Variants in TEAD1 observed in about 807,000 individuals in gnomAD.
The protein encoded by TEAD1 is transcriptional enhancer factor TEF-1.
Under a neutral mutation model 54.9 loss-of-function variants are expected in TEAD1, and 9 were observed. That is an observed-to-expected ratio of 0.16 (90% CI 0.10 to 0.29). The LOEUF (loss-of-function observed/expected upper bound fraction) is 0.29, where lower values mean the gene tolerates loss of function less well. Ranked by LOEUF, TEAD1 falls within the 10% of genes least tolerant of loss-of-function variation. The pLI is 1.00. For missense variants in TEAD1, 387 were observed against 535.9 expected, an observed-to-expected ratio of 0.72 and a Z score of 2.74; for synonymous variants, 200 against 187.8, an observed-to-expected ratio of 1.07 and a Z score of -0.53.
At chr11:12,865,173 T>C in intron 5 of TEAD1, 1 of 492,450 alleles carries the variant, frequency 2.0e-6, no homozygotes. Context: ...AGAGCTGGTC[T>C]TGATAACTTT....
intron 9 of TEAD1, among the ~76,000 whole-genome samples, chr11:12,896,994 T>C (rs998190247): frequency 2.6e-5 from 4 of 152,184 alleles, no homozygotes; most frequent in East Asian, 1.9e-4. Context: ...ACTGAGTGCC[T>C]AGGGGACTCT....
At chr11:12,749,671 T>G (rs755655176) in intron 2 of TEAD1, among the ~76,000 whole-genome samples, 6 of 152,210 alleles carry the variant, frequency 3.9e-5, no homozygotes, top group Non-Finnish European at 8.8e-5. Context: ...TCCGTACCTC[T>G]CTTGGACTGG....
At chr11:12,929,233 T>C (rs984279375) in intron 11 of TEAD1, among the ~76,000 whole-genome samples, 4 of 150,660 alleles carry the variant, frequency 2.7e-5, no homozygotes, top group South Asian at 4.2e-4. Context: ...TAATCTCTTA[T>C]GTATCTTCTA....
intron 2 of TEAD1, among the ~76,000 whole-genome samples, chr11:12,676,801 C>G (rs772068776): frequency 5.3e-5 from 8 of 152,120 alleles, no homozygotes; most frequent in Non-Finnish European, 1.0e-4. Context: ...GTTGAACTCT[C>G]AGGTTTCAGG....
chr11:12,709,865 C>T (rs1405749177), intron 2 of TEAD1, among the ~76,000 whole-genome samples: 1 of 152,000 alleles, frequency 6.6e-6, no homozygotes, highest in East Asian at 1.9e-4. Context: ...TCAGCATGGG[C>T]CCCTTTTTAC....
Position 12,901,901 on chromosome 11 carries a change from A to T in TEAD1, c.700-39A>T, listed in dbSNP as rs552376179. 70 of 1,613,906 alleles carry T rather than the reference A, an allele frequency of 4.3e-5. 1 individual carries two copies. The South Asian group carries it at 7.7e-4, about 18-fold the overall frequency. On this transcript the variant is annotated intron_variant, in intron 9 of 12. Transcript: ENST00000527636. ...GATGGATGAGTTCCAGGTTGATCAAAGAGTTTGTAATGGGAATGTTTCTGT... is the reference window on the plus strand; with the variant it reads ...GATGGATGAGTTCCAGGTTGATCAATGAGTTTGTAATGGGAATGTTTCTGT...
intron 3 of TEAD1, among the ~76,000 whole-genome samples, chr11:12,815,294 C>G (rs911409362): frequency 6.6e-6 from 1 of 152,144 alleles, no homozygotes; most frequent in Non-Finnish European, 1.5e-5. Context: ...TCCCTCCCTC[C>G]CTTCCCAGAT....
intron 10 of TEAD1, among the ~76,000 whole-genome samples, chr11:12,918,540 C>G (rs1866712): frequency 0.79 from 120,139 of 151,872 alleles, 47,803 homozygotes; most frequent in East Asian, 0.97. Context: ...TAAATTTACA[C>G]TAATAATTAA....
intron 2 of TEAD1, among the ~76,000 whole-genome samples, chr11:12,679,166 G>C (rs368042359): frequency 6.6e-6 from 1 of 152,220 alleles, no homozygotes; most frequent in African/African-American, 2.4e-5. Context: ...GAAGGTCCTC[G>C]TAAAAACCTA....
chr11:12,929,482 A>G (rs1444574717), intron 11 of TEAD1, among the ~76,000 whole-genome samples: 2 of 151,434 alleles, frequency 1.3e-5, no homozygotes, highest in African/African-American at 4.9e-5. Flanking sequence ...TTTTACCTTT[A>G]ATGATGAAGA....
intron 5 of TEAD1, among the ~76,000 whole-genome samples, chr11:12,874,376 G>A (rs1947814052): frequency 6.6e-6 from 1 of 152,190 alleles, no homozygotes; most frequent in Admixed American, 6.5e-5. Context: ...CTCCAGCCAT[G>A]TGCATTTGTG....
At chr11:12,893,066 C>G (rs1261582953) in intron 9 of TEAD1, among the ~76,000 whole-genome samples, 1 of 152,218 alleles carries the variant, frequency 6.6e-6, no homozygotes, top group African/African-American at 2.4e-5. Flanking sequence ...CCTCAAGCCA[C>G]TCAGCTCAAA....
At chr11:12,874,571 T>C (rs531525751) in intron 5 of TEAD1, among the ~76,000 whole-genome samples, 1 of 152,208 alleles carries the variant, frequency 6.6e-6, no homozygotes. Context: ...GGCTTCAGGC[T>C]GAGGAGTTTA....
intron 5 of TEAD1, among the ~76,000 whole-genome samples, chr11:12,871,432 T>C (rs567094168): frequency 6.6e-6 from 1 of 152,326 alleles, no homozygotes; most frequent in Non-Finnish European, 1.5e-5. Flanking sequence ...TTTTTTAAGC[T>C]CCAGGGATTT....
At chr11:12,679,769 A>C (rs1342154014) in intron 2 of TEAD1, among the ~76,000 whole-genome samples, 1 of 152,048 alleles carries the variant, frequency 6.6e-6, no homozygotes, top group Non-Finnish European at 1.5e-5. Context: ...TAAACTTGGA[A>C]TGTTTAAGAA....
At chr11:12,921,684 T>G (rs745617302) in intron 10 of TEAD1, among the ~76,000 whole-genome samples, 10 of 152,218 alleles carry the variant, frequency 6.6e-5, no homozygotes, top group South Asian at 4.1e-4. Context: ...GTGGCAGTTC[T>G]TGAAGGTAAC....
intron 3 of TEAD1, among the ~76,000 whole-genome samples, chr11:12,857,318 A>G (rs1187738366): frequency 4.6e-5 from 7 of 152,194 alleles, no homozygotes; most frequent in Admixed American, 2.0e-4. Flanking sequence ...TGGGAAAGAC[A>G]AGGGCAGCTA....
intron 9 of TEAD1, among the ~76,000 whole-genome samples, chr11:12,898,936 C>T (rs144941092): frequency 3.4e-3 from 514 of 152,282 alleles, no homozygotes; most frequent in African/African-American, 0.012. Flanking sequence ...CCCCATTCAC[C>T]TTCTTGACCT....
At chr11:12,880,938 G>C in intron 6 of TEAD1, 67 bp from the exon 7 acceptor site, 1 of 1,565,298 alleles carries the variant, frequency 6.4e-7, no homozygotes, top group Non-Finnish European at 8.8e-7. Flanking sequence ...GTTGTGATGC[G>C]TAGGCATCCT....
Sources: allele counts gnomAD v4.1 joint callset (sites outside exome capture counted in the v4.1 genomes callset), GRCh38; gene constraint gnomAD v4.1.1; transcripts MANE v1.5; gene names NCBI Gene and HGNC (gene_info 2026-07-23, HGNC 2026-07-21).